Variants in TSC2 observed in about 807,000 individuals in gnomAD.
TSC2 encodes the protein TSC complex subunit 2.
A neutral mutation model predicts 202.2 loss-of-function variants in TSC2; 29 were observed. The ratio of observed to expected loss-of-function variants is 0.14; its 90% confidence interval spans 0.11 to 0.20. TSC2 has a LOEUF of 0.20. TSC2 is among the 10% of genes least tolerant of loss of function. The probability of loss-of-function intolerance (pLI) is 1.00; values close to 1 mark genes in which losing one functional copy is unlikely to be tolerated. For synonymous variants in TSC2, 1,349 were observed against 1,044.0 expected (o/e 1.29, Z -5.63); for missense variants, 2,429 against 2,420.0 (o/e 1.00, Z -0.08).
chr16:2,048,554 T>C (rs2084657798), intron 1 of TSC2, 33 bp from the exon 2 acceptor site: 1 of 1,612,812 alleles, frequency 6.2e-7, no homozygotes, highest in Non-Finnish European at 8.5e-7. Flanking sequence ...GAGGTGTTGC[T>C]CAGATGTCCC....
intron 26 of TSC2, chr16:2,078,736 A>G: frequency 4.2e-6 from 2 of 481,494 alleles, no homozygotes; most frequent in South Asian, 4.1e-5. Flanking sequence ...CCGTTTCGCC[A>G]GGAGGCCGTA....
intron 25 of TSC2, 195 bp downstream of exon 25, chr16:2,076,780 G>A: frequency 1.6e-6 from 1 of 617,660 alleles, no homozygotes; most frequent in African/African-American, 1.8e-5. Flanking sequence ...GGTGGCCTGG[G>A]TCCGGGCTGC....
chr16:2,066,690 C>G (rs1390445851), intron 16 of TSC2, among the ~76,000 whole-genome samples: 1 of 126,250 alleles, frequency 7.9e-6, no homozygotes, highest in East Asian at 2.4e-4. Flanking sequence ...CAGTCTCACT[C>G]TGTCGCCCAG....
rs778905320 is a variant in TSC2, at chr16:2,071,502, C to T, written c.1840-8C>T. 2 of 1,613,554 alleles carry T rather than the reference C, an allele frequency of 1.2e-6. No individual in the cohort carries two copies. The highest frequency in any genetic ancestry group is 1.7e-5 in the Admixed American group (1 of 60,018). On this transcript the variant is annotated splice_polypyrimidine_tract_variant and splice_region_variant and intron_variant, in intron 17 of 41. Coordinates refer to ENST00000219476, the MANE Select transcript of TSC2 (RefSeq NM_000548.5). ...TGGCTCTGGCTTTCACCATCCTCTT[C>T]CTGACAGGCCTTTGACTTCCTGTTG...
rs1237674834 is a variant in TSC2 at position 2,060,543 on chromosome 16, C to G, written c.976-127C>G. On this transcript the variant is annotated intron_variant, in intron 10 of 41. Transcript: ENST00000219476. ...CGCCCCACCTGCTGTTTCTGCGGCC[C>G]CTGATAAACGTGTGGTGGGCACTGC... The G allele has an allele frequency of 1.2e-5, 19 of 1,521,986 alleles. No individual in the cohort carries two copies. In the Admixed American group the frequency reaches 2.4e-4, roughly 19 times the overall value. The allele number at this position is 1,521,986 out of a possible 1,614,324, so 94.3% of individuals were successfully genotyped here. A position where few individuals can be genotyped will look rare whatever the true frequency, so the allele number is the denominator to read the frequency against.
intron 10 of TSC2, among the ~76,000 whole-genome samples, chr16:2,059,509 G>GTTTTT: frequency 1.6e-5 from 1 of 63,542 alleles, no homozygotes; most frequent in South Asian, 7.6e-4. Context: ...CTGGCTAATG[G>GTTTTT]TTTTTTTTTT....
chr16:2,073,153 T>A (rs1045236728), intron 21 of TSC2, among the ~76,000 whole-genome samples, 170 bp downstream of exon 21: 1 of 152,208 alleles, frequency 6.6e-6, no homozygotes, highest in Non-Finnish European at 1.5e-5. Flanking sequence ...GGACATCCGA[T>A]TCCCTGGTGC....
In TSC2 at chr16:2,074,266, T is replaced by C. The variant is rs2088922499; in HGVS notation, c.2422T>C (p.Leu808=). 1.2e-6 allele frequency: 2 copies of C among 1,613,104 alleles called. No homozygotes were observed. The highest frequency in any genetic ancestry group is 4.5e-5 in the East Asian group (2 of 44,886). The change falls in exon 22 of 42, where the codon TTG becomes CTG. Residue 808 remains leucine (L), a synonymous_variant. Coordinates refer to ENST00000219476, the MANE Select transcript of TSC2 (RefSeq NM_000548.5). ...HRCASQCVVA[L]SICSVEMPDI... is the part of the protein sequence containing the mutation. Reference sequence around the variant, plus strand: ...CTGTGCCAGCCAGTGCGTCGTGGCCTTGTCCATCTGCAGCGTGGAGATGCC... The same window carrying C: ...CTGTGCCAGCCAGTGCGTCGTGGCCCTGTCCATCTGCAGCGTGGAGATGCC...
rs777825025 is a variant in TSC2, at chr16:2,060,825, G to A, written c.1119+12G>A. The A allele has an allele frequency of 9.3e-6, 15 of 1,612,710 alleles. No homozygotes were observed. In the South Asian group the frequency reaches 1.2e-4, roughly 13 times the overall value. ...TTCAGCAGCTCCAGGTGGGGTGGGGGCAGGAGCTCCGGGGAGCACCGGGAA... is the reference window on the plus strand; with the variant it reads ...TTCAGCAGCTCCAGGTGGGGTGGGGACAGGAGCTCCGGGGAGCACCGGGAA... On this transcript the variant is annotated intron_variant, in intron 11 of 41. Transcript: ENST00000219476.
At chr16:2,074,582 C>A in intron 22 of TSC2, 193 bp downstream of exon 22, 1 of 688,428 alleles carries the variant, frequency 1.5e-6, no homozygotes, top group Non-Finnish European at 2.5e-6. Context: ...CGGCTCCTCT[C>A]ACCCCTCTAG....
At position 2,074,628 on chromosome 16, in the gene TSC2, T is replaced by C. The variant is rs1164634634; in HGVS notation, c.2545+239T>C. ...AACGCTCCTCCTTGAAGAAGCCTCT[T>C]CCCCCCCGAGCAGTGGCCCTCCCCT... is the stretch of plus-strand genomic sequence containing the variant. On this transcript the variant is annotated intron_variant, in intron 22 of 41. Transcript: ENST00000219476. 5 of 585,100 alleles carry C rather than the reference T, an allele frequency of 8.5e-6. No homozygotes were observed. The East Asian group carries it at 1.2e-4, about 14-fold the overall frequency. The allele number at this position is 585,100 out of a possible 1,614,324, so 36.2% of individuals were successfully genotyped here.
intron 16 of TSC2, among the ~76,000 whole-genome samples, chr16:2,066,628 A>C (rs2087396830): frequency 6.8e-6 from 1 of 147,422 alleles, no homozygotes; most frequent in East Asian, 2.0e-4. Context: ...CCACTCGAGC[A>C]GCATGTAAGG....
intron 38 of TSC2, 115 bp downstream of exon 38, chr16:2,086,986 C>A (rs1314900214): frequency 2.8e-5 from 42 of 1,477,578 alleles, no homozygotes; most frequent in Non-Finnish European, 3.8e-5. Context: ...GGAGGAGAGG[C>A]CGCAGTGCTC....
At chr16:2,068,864 C>G (rs765451883) in intron 16 of TSC2, 9 of 132,454 alleles carry the variant, frequency 6.8e-5, no homozygotes, top group Non-Finnish European at 1.3e-4. Flanking sequence ...CAGAGAAAGA[C>G]TCCGTCTCAA....
At chr16:2,080,021 G>A in intron 29 of TSC2, 144 bp from the exon 30 acceptor site, 1 of 1,129,940 alleles carries the variant, frequency 8.9e-7, no homozygotes, top group Non-Finnish European at 1.3e-6. Flanking sequence ...GCACTGTGGT[G>A]GGCCGTGCCC....
chr16:2,058,972 G>A, intron 10 of TSC2, 99 bp downstream of exon 10: 6 of 1,543,120 alleles, frequency 3.9e-6, no homozygotes, highest in Non-Finnish European at 4.4e-6. Context: ...GGGGGCTGCG[G>A]TGGCATTTCT....
Position 2,072,892 on chromosome 16 carries a change from A to C in TSC2, c.2264A>C (p.Glu755Ala). The stretch of plus-strand genomic sequence containing the variant: ...CTGGAGCGGCTCCGAGGCGCCCCAG[A>C]AGGCTTCTCCAGAACTGACTTGCAC... ...KTLERLRGAP[E>A]GFSRTDLHLA... Residue 755 changes from glutamate to alanine, a missense_variant, in exon 21 of 42, where the codon GAA becomes GCA. Glu to Ala is a moderately radical substitution (Grantham distance 107, BLOSUM62 -1). Transcript: ENST00000219476. The C allele has an allele frequency of 1.2e-6, 2 of 1,613,624 alleles. No homozygotes were observed. Among genetic ancestry groups the C allele is most frequent in the Non-Finnish European group, 1.7e-6 (2 of 1,180,036 alleles).
intron 23 of TSC2, 64 bp from the exon 24 acceptor site, chr16:2,076,004 A>G: frequency 6.2e-7 from 1 of 1,612,818 alleles, no homozygotes; most frequent in Non-Finnish European, 8.5e-7. Context: ...GGTTTTTTGC[A>G]CTTCATGCCC....
Position 2,054,765 on chromosome 16 carries a change from G to A in TSC2, c.481+325G>A, listed in dbSNP as rs193153424. 21 of 456,294 alleles carry A rather than the reference G, an allele frequency of 4.6e-5. No individual in the cohort carries two copies. In the Admixed American group the frequency reaches 7.2e-4, roughly 16 times the overall value. The allele number at this position is 456,294 out of a possible 1,614,324, so 28.3% of individuals were successfully genotyped here. Reference sequence around the variant, plus strand: ...TGCTGCTGACTTGGTCTCAACCGGAGCGTACTGGTCCCGTCTTCCTCCTCC... The same window carrying A: ...TGCTGCTGACTTGGTCTCAACCGGAACGTACTGGTCCCGTCTTCCTCCTCC... On this transcript the variant is annotated intron_variant, in intron 5 of 41. Transcript: ENST00000219476.
Sources: allele counts gnomAD v4.1 joint callset (sites outside exome capture counted in the v4.1 genomes callset), GRCh38; gene constraint gnomAD v4.1.1; transcripts MANE v1.5; gene names NCBI Gene and HGNC (gene_info 2026-07-23, HGNC 2026-07-21).